GALC: variants seen among roughly 807,000 people sequenced by gnomAD.
The protein encoded by GALC is galactosylceramidase.
GALC carries 77 observed loss-of-function variants against 91.8 expected under a neutral mutation model. The ratio of observed to expected loss-of-function variants is 0.84; its 90% CI spans 0.70 to 1.01. GALC has a LOEUF of 1.01. Among genes scored for constraint, GALC ranks in the 50% least tolerant of loss-of-function variants. The pLI is 0.00. For synonymous variants in GALC, 357 were observed against 306.7 expected (o/e 1.16, Z -1.71); for missense variants, 882 against 855.9 (o/e 1.03, Z -0.38).
rs185015754 is a variant in GALC, at chr14:87,987,277, T to C, written c.329-675A>G. Among the ~76,000 whole-genome samples, 417 of 152,320 alleles carry C rather than the reference T, an allele frequency of 2.7e-3. 3 individuals are homozygous for C. The highest frequency in any genetic ancestry group is 9.7e-3 in the African/African-American group (402 of 41,560). Reference sequence around the variant, plus strand: ...CGAGAGGCCCTTGCCCATTTCTTCTTAAAGGTAAACATCAGAATTCACAAG... The same window carrying C: ...CGAGAGGCCCTTGCCCATTTCTTCTCAAAGGTAAACATCAGAATTCACAAG... On this transcript the variant is annotated intron_variant, in intron 3 of 16. Transcript: ENST00000261304.
At chr14:87,978,592 T>G (rs1025494076) in intron 6 of GALC, among the ~76,000 whole-genome samples, 1 of 152,200 alleles carries the variant, frequency 6.6e-6, no homozygotes, top group Admixed American at 6.5e-5. Context: ...TAACATATTT[T>G]CAGATTATGT....
intron 8 of GALC, among the ~76,000 whole-genome samples, chr14:87,968,015 G>A (rs1886126117): frequency 6.6e-6 from 1 of 152,086 alleles, no homozygotes; most frequent in Non-Finnish European, 1.5e-5. Context: ...AATATTTAGA[G>A]ATAAAGTGTC....
chr14:87,968,276 AACTCTT>A, intron 8 of GALC, 53 bp downstream of exon 8: 1 of 1,406,316 alleles, frequency 7.1e-7, no homozygotes, highest in African/African-American at 1.4e-5. Context: ...ATTTTTTTCT[AACTCTT>A]ATGTTTTTAA....
rs1313331512 is a variant in GALC at position 87,934,820 on chromosome 14, T to C, written c.1970A>G (p.Asn657Ser). Residue 657 changes from asparagine to serine, a missense_variant, in exon 17 of 17, where the codon AAT (asparagine) becomes AGT (serine). Coordinates refer to ENST00000261304, the MANE Select transcript of GALC (RefSeq NM_000153.4). ...TGCAGCCCAGCCATTCTTTGGAAAA[T>C]TCACAGGGATGTCTGTCCACAGAGA... is the stretch of plus-strand genomic sequence containing the variant. ...DKSLWTDIPV[N>S]FPKNGWAAIG... 1 of 1,613,038 alleles carries C rather than the reference T, an allele frequency of 6.2e-7. No homozygotes were observed. Among genetic ancestry groups the C allele is most frequent in the Non-Finnish European group, 8.5e-7 (1 of 1,179,356 alleles).
At position 87,945,545 on chromosome 14, in the gene GALC, A is replaced by T. The variant is rs779915053; in HGVS notation, c.1670+8T>A. The T allele has an allele frequency of 6.3e-7, 1 of 1,577,896 alleles. No homozygotes were observed. The highest frequency in any genetic ancestry group is 1.7e-5 in the Admixed American group (1 of 59,806). ...CAGCCAGATCCACATTGAGAACATC[A>T]ATCTTACCAGTTGTAGTCTCCTATA... On this transcript the variant is annotated splice_region_variant and intron_variant, in intron 14 of 16. Transcript: ENST00000261304.
At chr14:87,965,932 C>T (rs1384274101) in intron 8 of GALC, among the ~76,000 whole-genome samples, 3 of 152,266 alleles carry the variant, frequency 2.0e-5, no homozygotes, top group South Asian at 4.1e-4. Context: ...TACCAATACC[C>T]AACACATCAC....
intron 10 of GALC, 79 bp from the exon 11 acceptor site, chr14:87,950,827 C>T (rs1885275985): frequency 2.4e-5 from 19 of 801,710 alleles, no homozygotes; most frequent in Non-Finnish European, 4.1e-5. Context: ...CAGTTAATGC[C>T]CAAGATTAAC....
chr14:87,980,343 T>C (rs12586894), intron 6 of GALC, among the ~76,000 whole-genome samples: 46,447 of 150,318 alleles, frequency 0.31, 8,420 homozygotes, highest in East Asian at 0.58. Flanking sequence ...GATGGCGCCA[T>C]TGCACTCCAG....
intron 3 of GALC, chr14:87,987,642 C>G (rs547483388): frequency 6.4e-6 from 1 of 156,198 alleles, no homozygotes; most frequent in Non-Finnish European, 1.4e-5. Context: ...AAACAAAAGG[C>G]CTATAAACTG....
intron 6 of GALC, among the ~76,000 whole-genome samples, chr14:87,980,313 C>T (rs1886683796): frequency 1.3e-5 from 2 of 149,948 alleles, no homozygotes; most frequent in African/African-American, 4.9e-5. Flanking sequence ...ATCCGGGAGG[C>T]AGAGGTTGCA....
chr14:87,982,331 A>G (rs878938798), intron 5 of GALC, 88 bp from the exon 6 acceptor site: 5 of 865,890 alleles, frequency 5.8e-6, no homozygotes, highest in Non-Finnish European at 7.9e-6. Flanking sequence ...TTCTCTCATC[A>G]TCTTTCATAT....
At chr14:87,960,093 CA>C (rs1595209642) in intron 10 of GALC, among the ~76,000 whole-genome samples, 1 of 152,060 alleles carries the variant, frequency 6.6e-6, no homozygotes, top group African/African-American at 2.4e-5. Flanking sequence ...GTTGATATCA[CA>C]GATGCAGAAA....
intron 16 of GALC, among the ~76,000 whole-genome samples, chr14:87,938,824 CA>C: frequency 6.6e-6 from 1 of 151,856 alleles, no homozygotes; most frequent in East Asian, 1.9e-4. Context: ...TTATAATCAT[CA>C]AAAATACCAT....
At chr14:87,962,576 GATAC>G (rs1026525048) in intron 10 of GALC, among the ~76,000 whole-genome samples, 2 of 114,676 alleles carry the variant, frequency 1.7e-5, no homozygotes, top group Non-Finnish European at 3.6e-5. Flanking sequence ...AACCTGATAT[GATAC>G]ACACACACAC....
rs1195766355 is a variant in GALC at position 87,954,931 on chromosome 14, A to G, written c.1162-4183T>C. On this transcript the variant is annotated intron_variant, in intron 10 of 16. Coordinates refer to ENST00000261304, the MANE Select transcript of GALC (RefSeq NM_000153.4). ...AGTTGATGGAAGACATGATGTTTAC[A>G]TCCGTGTAGACTCAAAGCTGATAGA... The G allele has an allele frequency of 1.3e-5, 20 of 1,532,388 alleles. No individual in the cohort carries two copies. The Admixed American group carries it at 3.2e-4, about 24-fold the overall frequency. 94.9% of individuals were successfully genotyped at this position (1,532,388 alleles called of 1,614,324 possible). A position where few individuals can be genotyped will look rare whatever the true frequency, so the allele number is the denominator to read the frequency against.
Position 87,934,414 on chromosome 14 carries a change from GA to G in GALC, c.*317del. On this transcript the variant is annotated 3_prime_UTR_variant, in exon 17 of 17. Coordinates refer to ENST00000261304, the MANE Select transcript of GALC (RefSeq NM_000153.4). ...GGACCGCTTGCAAATAAGATGAAGA[GA>G]GCTACCTCAGTGTTAGCAGCAAGGC... 4 of 1,287,028 alleles carry G rather than the reference GA, an allele frequency of 3.1e-6. No individual in the cohort carries two copies. Among genetic ancestry groups the G allele is most frequent in the Non-Finnish European group, 4.0e-6 (4 of 1,010,106 alleles). 79.7% of individuals were successfully genotyped at this position (1,287,028 alleles called of 1,614,324 possible). A position where few individuals can be genotyped will look rare whatever the true frequency, so the allele number is the denominator to read the frequency against.
chr14:87,972,331 T>C (rs1174111385), intron 7 of GALC, among the ~76,000 whole-genome samples: 2 of 152,106 alleles, frequency 1.3e-5, no homozygotes, highest in African/African-American at 2.4e-5. Flanking sequence ...GCAAAATTAG[T>C]CCATGGTGTC....
At chr14:87,951,988 C>T (rs1211612604) in intron 10 of GALC, among the ~76,000 whole-genome samples, 3 of 151,570 alleles carry the variant, frequency 2.0e-5, no homozygotes, top group Non-Finnish European at 3.0e-5. Flanking sequence ...GATGGGTGAA[C>T]CAAAATCTCA....
At chr14:87,990,641 T>A (rs55650709) in intron 1 of GALC, among the ~76,000 whole-genome samples, 17,200 of 152,260 alleles carry the variant, frequency 0.11, 1,141 homozygotes, top group Non-Finnish European at 0.16. Context: ...ACGCCATTAA[T>A]ACTGTGCGTT....
Sources: allele counts gnomAD v4.1 joint callset (sites outside exome capture counted in the v4.1 genomes callset), GRCh38; gene constraint gnomAD v4.1.1; transcripts MANE v1.5; gene names NCBI Gene and HGNC (gene_info 2026-07-23, HGNC 2026-07-21).